MCM9: variants seen among roughly 807,000 people sequenced by gnomAD.
The protein encoded by MCM9 is minichromosome maintenance 9 homologous recombination repair factor, also known as DNA helicase MCM9.
Under a neutral mutation model 72.8 loss-of-function variants are expected in MCM9, and 55 were observed. That is an observed-to-expected ratio of 0.76 (90% CI 0.61 to 0.95). The LOEUF (loss-of-function observed/expected upper bound fraction) is 0.95, where lower values mean the gene tolerates loss of function less well. MCM9 is among the 40% of genes least tolerant of loss of function. The probability of loss-of-function intolerance (pLI) is 0.00; values close to 1 mark genes in which losing one functional copy is unlikely to be tolerated. For synonymous variants in MCM9, 480 were observed against 503.4 expected, an observed-to-expected ratio of 0.95 and a Z score of 0.62; for missense variants, 1,279 against 1,377.0, an observed-to-expected ratio of 0.93 and a Z score of 1.13.
intron 13 of MCM9, among the ~76,000 whole-genome samples, chr6:118,824,979 T>C (rs1456440719): frequency 6.6e-6 from 1 of 152,222 alleles, no homozygotes; most frequent in Non-Finnish European, 1.5e-5. Context: ...TTTCCTTTCT[T>C]TCCCTCCAGG....
chr6:118,831,882 C>T (rs575009524), intron 9 of MCM9, among the ~76,000 whole-genome samples: 1 of 152,186 alleles, frequency 6.6e-6, no homozygotes, highest in African/African-American at 2.4e-5. Context: ...AGGGTAGGTG[C>T]TATTATCACA....
Position 118,826,993 on chromosome 6 carries a change from A to C in MCM9, c.1733-129T>G, listed in dbSNP as rs1583346083. On this transcript the variant is annotated intron_variant, in intron 11 of 13. Coordinates refer to ENST00000619706, the MANE Select transcript of MCM9 (RefSeq NM_017696.3). Reference sequence around the variant, plus strand: ...AATAACAACATAATTTTACTAGAACAAGCACAAAAGTCAACATTCAACTAG... The same window carrying C: ...AATAACAACATAATTTTACTAGAACCAGCACAAAAGTCAACATTCAACTAG... 1.2e-5 allele frequency: 9 copies of C among 723,164 alleles called. No homozygotes were observed. The East Asian group carries it at 2.4e-4, about 20-fold the overall frequency. 44.8% of individuals were successfully genotyped at this position (723,164 alleles called of 1,614,324 possible). A position where few individuals can be genotyped will look rare whatever the true frequency, so the allele number is the denominator to read the frequency against.
intron 6 of MCM9, among the ~76,000 whole-genome samples, chr6:118,913,827 C>G (rs1000350228): frequency 3.3e-5 from 5 of 152,058 alleles, no homozygotes; most frequent in African/African-American, 4.8e-5. Context: ...GGTCTCACTC[C>G]TGGGCTCAAG....
At chr6:118,881,467 T>C (rs1436081218) in intron 8 of MCM9, among the ~76,000 whole-genome samples, 1 of 152,180 alleles carries the variant, frequency 6.6e-6, no homozygotes, top group Non-Finnish European at 1.5e-5. Flanking sequence ...CGAGTCAATG[T>C]GCGGAATTTA....
At chr6:118,863,782 TC>T (rs1777048525) in intron 8 of MCM9, among the ~76,000 whole-genome samples, 1 of 152,188 alleles carries the variant, frequency 6.6e-6, no homozygotes, top group Admixed American at 6.5e-5. Flanking sequence ...AGAGTCCTCA[TC>T]AGCAAGAAGG....
chr6:118,900,606 G>C (rs1779744224), intron 8 of MCM9, among the ~76,000 whole-genome samples: 1 of 152,196 alleles, frequency 6.6e-6, no homozygotes, highest in Admixed American at 6.5e-5. Flanking sequence ...GTGAACTCTG[G>C]TAGGAACTTT....
intron 8 of MCM9, among the ~76,000 whole-genome samples, chr6:118,897,592 AGTGTAATTAGCT>A (rs1181967828): frequency 7.2e-5 from 11 of 152,176 alleles, no homozygotes; most frequent in African/African-American, 2.7e-4. Context: ...CTTCCCAAGT[AGTGTAATTAGCT>A]AAAAATTCTC....
chr6:118,856,349 T>C (rs1013420860), intron 9 of MCM9, 22 bp downstream of exon 9: 9 of 1,523,782 alleles, frequency 5.9e-6, no homozygotes, highest in South Asian at 2.4e-5. Flanking sequence ...ATTATTCCCA[T>C]AGATTTTAAA....
chr6:118,905,770 A>G, intron 8 of MCM9: 1 of 1,613,382 alleles, frequency 6.2e-7, no homozygotes, highest in Non-Finnish European at 8.5e-7. Context: ...TATGTAAATA[A>G]TGAATATACT....
At chr6:118,823,993 T>G (rs749735968) in intron 13 of MCM9, among the ~76,000 whole-genome samples, 1 of 149,114 alleles carries the variant, frequency 6.7e-6, no homozygotes, top group Non-Finnish European at 1.5e-5. Context: ...TTGGGTTACA[T>G]TCATTCACAG....
At chr6:118,911,072 C>G (rs1381512458) in intron 8 of MCM9, 2 of 984,284 alleles carry the variant, frequency 2.0e-6, no homozygotes, top group Non-Finnish European at 2.4e-6. Flanking sequence ...TCTAAATTCC[C>G]TGGGTCACTT....
At chr6:118,905,774 A>G (rs1201535058) in intron 8 of MCM9, 2 of 1,612,928 alleles carry the variant, frequency 1.2e-6, no homozygotes, top group Non-Finnish European at 1.7e-6. Context: ...TAAATAATGA[A>G]TATACTGAGA....
chr6:118,858,570 A>G (rs1776711649), intron 8 of MCM9, among the ~76,000 whole-genome samples: 1 of 152,164 alleles, frequency 6.6e-6, no homozygotes, highest in Non-Finnish European at 1.5e-5. Flanking sequence ...AATAAATAAA[A>G]CTGTTTAAAT....
chr6:118,930,267 T>G (rs62422264), intron 3 of MCM9, among the ~76,000 whole-genome samples: 3 of 152,016 alleles, frequency 2.0e-5, no homozygotes, highest in Admixed American at 6.5e-5. Flanking sequence ...CCCGCCACCA[T>G]GCCCGGCTAA....
At chr6:118,828,950 C>T in intron 10 of MCM9, 98 bp downstream of exon 10, 1 of 1,230,028 alleles carries the variant, frequency 8.1e-7, no homozygotes, top group Non-Finnish European at 1.1e-6. Flanking sequence ...TACTACATAG[C>T]CTATCTTGGG....
chr6:118,843,688 G>GTATATATATATATATATGTGTGTA (rs766122361), intron 9 of MCM9, among the ~76,000 whole-genome samples: 1 of 64,154 alleles, frequency 1.6e-5, no homozygotes, highest in Non-Finnish European at 2.8e-5. Flanking sequence ...ATATATATGT[G>GTATATATATATATATATGTGTGTA]TATATATATA....
At chr6:118,860,167 G>A (rs1036374988) in intron 8 of MCM9, among the ~76,000 whole-genome samples, 3 of 152,046 alleles carry the variant, frequency 2.0e-5, no homozygotes, top group African/African-American at 4.8e-5. Flanking sequence ...TAGATATGGC[G>A]GGGACATTGA....
chr6:118,844,623 A>G (rs1583411867), intron 9 of MCM9, among the ~76,000 whole-genome samples: 1 of 151,872 alleles, frequency 6.6e-6, no homozygotes, highest in East Asian at 1.9e-4. Context: ...ATCTTGGCAG[A>G]AACTGTAAAA....
At chr6:118,883,496 C>T (rs1032133827) in intron 8 of MCM9, among the ~76,000 whole-genome samples, 1 of 151,696 alleles carries the variant, frequency 6.6e-6, no homozygotes, top group Non-Finnish European at 1.5e-5. Context: ...CAACAAAATC[C>T]AAGTAGGATA....
Sources: gnomAD v4.1 joint callset for allele counts (sites outside exome capture counted in the v4.1 genomes callset) on GRCh38, gnomAD v4.1.1 for gene constraint, MANE v1.5 for transcripts, NCBI Gene and HGNC (gene_info 2026-07-23, HGNC 2026-07-21) for gene names.